NAV2: variants seen among roughly 807,000 people sequenced by gnomAD.
The protein encoded by NAV2 is neuron navigator 2.
In NAV2, 54 loss-of-function variants were observed where a neutral mutation model predicts 223.2. The ratio of observed to expected loss-of-function variants is 0.24; its 90% CI spans 0.19 to 0.30. NAV2 has a LOEUF of 0.30. NAV2 is among the 10% of genes least tolerant of loss of function. NAV2 has a pLI of 1.00. For synonymous variants in NAV2, 1,279 were observed against 1,239.3 expected, an observed-to-expected ratio of 1.03 and a Z score of -0.67; for missense variants, 2,806 against 3,147.5, an observed-to-expected ratio of 0.89 and a Z score of 2.60.
In NAV2 at chr11:19,939,959, C is replaced by G. The variant is rs193162881; in HGVS notation, c.2146+186C>G. The stretch of plus-strand genomic sequence containing the variant: ...TCTTCTTGTTTTTCTTCCCTTTTCT[C>G]TCCCTCTTACAGTTTCTTCCCTCCT... On this transcript the variant is annotated intron_variant, in intron 8 of 37. Coordinates refer to ENST00000349880, the MANE Select transcript of NAV2 (RefSeq NM_145117.5). Among the ~76,000 whole-genome samples the G allele has an allele frequency of 3.9e-3, 577 of 149,466 alleles. 5 individuals are homozygous for G. The highest frequency in any genetic ancestry group is 0.013 in the African/African-American group (547 of 40,762).
intron 1 of NAV2, among the ~76,000 whole-genome samples, chr11:19,454,062 A>G (rs918071502): frequency 2.0e-5 from 3 of 152,120 alleles, no homozygotes; most frequent in African/African-American, 7.2e-5. Flanking sequence ...CAATGAAACA[A>G]TGGTTACCGG....
chr11:19,684,836 T>G (rs1374346407), intron 1 of NAV2, among the ~76,000 whole-genome samples: 4 of 152,208 alleles, frequency 2.6e-5, no homozygotes, highest in Non-Finnish European at 5.9e-5. Context: ...AGTGCTCACA[T>G]CCCTATGGGC....
chr11:19,642,718 AG>A (rs991474485), intron 1 of NAV2, among the ~76,000 whole-genome samples: 1 of 152,036 alleles, frequency 6.6e-6, no homozygotes, highest in African/African-American at 2.4e-5. Context: ...GCCAAGCAGG[AG>A]GGGGGCTGGA....
intron 1 of NAV2, among the ~76,000 whole-genome samples, chr11:19,371,455 T>C (rs1848466562): frequency 6.6e-6 from 1 of 152,166 alleles, no homozygotes; most frequent in Non-Finnish European, 1.5e-5. Context: ...CTTCAAATAC[T>C]GGAAAATATT....
chr11:20,034,373 T>TG (rs1429531215), intron 11 of NAV2, among the ~76,000 whole-genome samples: 2,589 of 115,970 alleles, frequency 0.022, 72 homozygotes, highest in African/African-American at 0.069. Context: ...TTTTTTTTTT[T>TG]TTTTTTGTTT....
At chr11:19,473,249 C>G (rs1011475052) in intron 1 of NAV2, among the ~76,000 whole-genome samples, 3 of 151,850 alleles carry the variant, frequency 2.0e-5, no homozygotes, top group African/African-American at 7.3e-5. Flanking sequence ...AAACCCTTAT[C>G]TGCTGCTAGA....
intron 1 of NAV2, among the ~76,000 whole-genome samples, chr11:19,523,508 C>T (rs1401289745): frequency 6.6e-6 from 1 of 152,224 alleles, no homozygotes; most frequent in African/African-American, 2.4e-5. Context: ...GTGGCACTGG[C>T]TCACCTGTTG....
chr11:19,460,930 G>C (rs1335802282), intron 1 of NAV2, among the ~76,000 whole-genome samples: 1 of 152,092 alleles, frequency 6.6e-6, no homozygotes, highest in African/African-American at 2.4e-5. Flanking sequence ...ACATGCAATA[G>C]ACAGAGTTGA....
At chr11:19,461,132 A>C (rs560581991) in intron 1 of NAV2, among the ~76,000 whole-genome samples, 2 of 152,160 alleles carry the variant, frequency 1.3e-5, no homozygotes, top group East Asian at 1.9e-4. Context: ...CTTAGTGGAG[A>C]TCTGTTTTGT....
intron 1 of NAV2, among the ~76,000 whole-genome samples, chr11:19,769,636 A>G (rs1334012374): frequency 1.3e-5 from 2 of 152,184 alleles, no homozygotes; most frequent in Non-Finnish European, 2.9e-5. Context: ...ACCGTTGTGT[A>G]TGTGTGCTTG....
At chr11:19,391,238 C>T (rs967536151) in intron 1 of NAV2, among the ~76,000 whole-genome samples, 1 of 152,158 alleles carries the variant, frequency 6.6e-6, no homozygotes, top group Non-Finnish European at 1.5e-5. Context: ...CAGAGCCCCT[C>T]TGACCTGCCT....
chr11:19,507,000 C>T (rs1400568262), intron 1 of NAV2: 1 of 152,204 alleles, frequency 6.6e-6, no homozygotes. Flanking sequence ...CTTACACTTA[C>T]ACGTTGCCAG....
At chr11:20,090,754 C>T in intron 26 of NAV2, 111 bp from the exon 27 acceptor site, 2 of 1,105,000 alleles carry the variant, frequency 1.8e-6, no homozygotes, top group South Asian at 1.8e-5. Context: ...AAGCACCAGG[C>T]AGCTGGTTAT....
chr11:20,022,566 A>G (rs142882766), intron 11 of NAV2: 19 of 985,684 alleles, frequency 1.9e-5, no homozygotes, highest in African/African-American at 1.0e-4. Context: ...AATCTTTTCA[A>G]TCGAATGCTT....
At chr11:19,676,295 C>T (rs758093183) in intron 1 of NAV2, among the ~76,000 whole-genome samples, 14 of 151,982 alleles carry the variant, frequency 9.2e-5, no homozygotes, top group South Asian at 2.1e-4. Context: ...TCATAACTGG[C>T]TCTCCCACCT....
intron 1 of NAV2, among the ~76,000 whole-genome samples, chr11:19,747,107 T>C (rs1409513073): frequency 7.9e-6 from 1 of 126,144 alleles, no homozygotes; most frequent in Non-Finnish European, 1.7e-5. Context: ...TGTGTTCTCA[T>C]TGTTCAATTC....
Position 19,603,124 on chromosome 11 carries a change from G to A in NAV2, c.76-229360G>A, listed in dbSNP as rs528935263. ...GACCACAAAAGGACTTCCATGTCAC[G>A]TAGTAGCTTTGCCTTGTGGGCAGCA... On this transcript the variant is annotated intron_variant, in intron 1 of 37. Transcript: ENST00000360655. Among the ~76,000 whole-genome samples, 25 of 152,342 alleles carry A rather than the reference G, an allele frequency of 1.6e-4. 1 individual carries two copies. Among genetic ancestry groups the A allele is most frequent in the Admixed American group, 9.1e-4 (14 of 15,302 alleles).
chr11:20,025,274 C>G (rs2054935729), intron 11 of NAV2, among the ~76,000 whole-genome samples: 1 of 152,204 alleles, frequency 6.6e-6, no homozygotes, highest in African/African-American at 2.4e-5. Context: ...ATTATTAAAA[C>G]TTTTCACCTT....
intron 1 of NAV2, among the ~76,000 whole-genome samples, chr11:19,385,881 C>A (rs778895539): frequency 1.6e-4 from 25 of 151,662 alleles, no homozygotes; most frequent in Non-Finnish European, 2.1e-4. Context: ...CCTGCCTCAG[C>A]CTCCCGAGTA....
Sources: gnomAD v4.1 joint callset for allele counts (sites outside exome capture counted in the v4.1 genomes callset) on GRCh38, gnomAD v4.1.1 for gene constraint, MANE v1.5 for transcripts, NCBI Gene and HGNC (gene_info 2026-07-23, HGNC 2026-07-21) for gene names.